Variants in MON2 observed in about 807,000 individuals in gnomAD.
The protein encoded by MON2 is protein MON2 homolog.
In MON2, 84 loss-of-function variants were observed where a neutral mutation model predicts 208.6. The observed-to-expected ratio is 0.40, with a 90% CI of 0.34 to 0.48. The LOEUF is 0.48. Among genes scored for constraint, MON2 ranks in the 20% least tolerant of loss-of-function variants. MON2 has a pLI of 0.59. For synonymous variants in MON2, 660 were observed against 694.0 expected (o/e 0.95, Z 0.77); for missense variants, 1,611 against 2,015.4 (o/e 0.80, Z 3.84).
intron 26 of MON2, 177 bp from the exon 27 acceptor site, chr12:62,565,060 T>G: frequency 3.6e-6 from 2 of 557,164 alleles, no homozygotes; most frequent in Non-Finnish European, 6.1e-6. Flanking sequence ...AGTTTCAGCC[T>G]ATACTTTATT....
chr12:62,546,791 C>G, intron 21 of MON2, 106 bp from the exon 22 acceptor site: 1 of 802,398 alleles, frequency 1.2e-6, no homozygotes, highest in Admixed American at 2.8e-5. Context: ...ATATCTATTT[C>G]CCATAGTAGT....
intron 33 of MON2, among the ~76,000 whole-genome samples, chr12:62,587,564 C>A (rs975128223): frequency 6.6e-6 from 1 of 151,112 alleles, no homozygotes; most frequent in Non-Finnish European, 1.5e-5. Flanking sequence ...GCAAGCAAGA[C>A]CTTGTTTCTA....
chr12:62,588,847 A>G, intron 34 of MON2: 1 of 1,450,092 alleles, frequency 6.9e-7, no homozygotes, highest in Non-Finnish European at 9.3e-7. Flanking sequence ...TGTTTATTTC[A>G]TTATCCAGCT....
At chr12:62,487,253 T>C (rs974455982) in intron 2 of MON2, among the ~76,000 whole-genome samples, 1 of 152,106 alleles carries the variant, frequency 6.6e-6, no homozygotes, top group African/African-American at 2.4e-5. Context: ...TAATCTTACA[T>C]TTATTATATG....
chr12:62,481,020 A>G (rs2069394837), intron 1 of MON2, among the ~76,000 whole-genome samples: 1 of 152,224 alleles, frequency 6.6e-6, no homozygotes, highest in Non-Finnish European at 1.5e-5. Context: ...GAATGTTACA[A>G]AATACACATA....
intron 25 of MON2, among the ~76,000 whole-genome samples, chr12:62,558,468 A>G (rs1404764582): frequency 6.6e-6 from 1 of 152,160 alleles, no homozygotes; most frequent in Non-Finnish European, 1.5e-5. Context: ...TAATAGAGAA[A>G]TTGCAGGAGT....
intron 7 of MON2, among the ~76,000 whole-genome samples, chr12:62,506,748 A>T (rs946893225): frequency 2.0e-4 from 30 of 151,876 alleles, no homozygotes; most frequent in East Asian, 1.2e-3. Flanking sequence ...AGATACATTT[A>T]AAAAATTTTG....
Position 62,552,945 on chromosome 12 carries a change from AG to A in MON2, c.2983del (p.Ala995GlnfsTer14). ...ATTGAAAAAGAACTAAATAAGGAAG[AG>A]GCAGCACAGCAAAAGCAGGCAGAAG... ...ETIEKELNKE[E>X]AAQQKQAEEK... On this transcript the variant is annotated frameshift_variant, in exon 24 of 35. Transcript: ENST00000393630. LOFTEE classifies it high-confidence loss of function. 6.2e-7 allele frequency: 1 copy of A among 1,614,160 alleles called. No individual in the cohort carries two copies. The highest frequency in any genetic ancestry group is 8.5e-7 in the Non-Finnish European group (1 of 1,179,968).
intron 12 of MON2, among the ~76,000 whole-genome samples, chr12:62,534,075 G>A (rs1228794636): frequency 5.3e-5 from 8 of 152,100 alleles, no homozygotes; most frequent in Non-Finnish European, 1.5e-5. Context: ...AGAAAGTTTG[G>A]GTTGATGAAG....
At chr12:62,476,007 G>A (rs756182087) in intron 1 of MON2, among the ~76,000 whole-genome samples, 3 of 145,524 alleles carry the variant, frequency 2.1e-5, no homozygotes, top group East Asian at 2.0e-4. Flanking sequence ...GCTAAACTCC[G>A]TCTCAAAAAG....
chr12:62,505,486 A>G (rs1358460491), intron 7 of MON2, among the ~76,000 whole-genome samples: 4 of 152,192 alleles, frequency 2.6e-5, no homozygotes, highest in Non-Finnish European at 4.4e-5. Flanking sequence ...CTGAGAACAC[A>G]AGGCCAGAAG....
intron 21 of MON2, 120 bp from the exon 22 acceptor site, chr12:62,546,777 A>G: frequency 1.4e-6 from 1 of 736,946 alleles, no homozygotes; most frequent in Non-Finnish European, 2.1e-6. Context: ...AATAAAACAT[A>G]AAAATATCTA....
At chr12:62,559,561 T>G (rs2074119034) in intron 25 of MON2, among the ~76,000 whole-genome samples, 1 of 152,152 alleles carries the variant, frequency 6.6e-6, no homozygotes, top group Non-Finnish European at 1.5e-5. Context: ...GAGGATCGCT[T>G]GAGCCCAGGA....
At chr12:62,476,868 A>G (rs1490461196) in intron 1 of MON2, among the ~76,000 whole-genome samples, 1 of 152,242 alleles carries the variant, frequency 6.6e-6, no homozygotes, top group Non-Finnish European at 1.5e-5. Flanking sequence ...ATTTAAAAAC[A>G]GAGCAGGGGT....
In MON2 at chr12:62,592,883, T is replaced by A; in HGVS notation, c.*134T>A. On this transcript the variant is annotated 3_prime_UTR_variant, in exon 35 of 35. Transcript: ENST00000393630. ...TTGTTGGCCTCCTTTAAATTCTACT[T>A]ACCTGAGTTCAGTAATTCATATTAC... 1.2e-6 allele frequency: 1 copy of A among 844,590 alleles called. No homozygotes were observed. Among genetic ancestry groups the A allele is most frequent in the South Asian group, 2.3e-5 (1 of 44,328 alleles). 52.3% of individuals were successfully genotyped at this position (844,590 alleles called of 1,614,324 possible).
Position 62,588,101 on chromosome 12 carries a change from T to G in MON2, c.4935T>G (p.Val1645=). 2 of 1,581,316 alleles carry G rather than the reference T, an allele frequency of 1.3e-6. No individual in the cohort carries two copies. Among genetic ancestry groups the G allele is most frequent in the Non-Finnish European group, 1.7e-6 (2 of 1,152,368 alleles). ...PRQQVTEIIF[V]LKAVSTLIDS... is the part of the protein sequence containing the mutation. ...AACAAGTAACAGAAATTATATTTGT[T>G]TTAAAAGCAGTCAGTACTCTTATTG... The change falls in exon 34 of 35, where the codon GTT becomes GTG. Residue 1645 remains valine, a synonymous_variant. Transcript: ENST00000393630.
intron 8 of MON2, among the ~76,000 whole-genome samples, chr12:62,520,595 A>T: frequency 6.6e-6 from 1 of 152,052 alleles, no homozygotes; most frequent in East Asian, 1.9e-4. Context: ...TACACAGTAA[A>T]AACGCTTCAT....
intron 11 of MON2, among the ~76,000 whole-genome samples, chr12:62,529,343 G>A (rs1168214167): frequency 1.3e-5 from 2 of 152,066 alleles, no homozygotes; most frequent in Non-Finnish European, 2.9e-5. Flanking sequence ...TTTGTGAGGA[G>A]TTAAATGAGA....
chr12:62,475,527 A>G (rs1209865867), intron 1 of MON2, among the ~76,000 whole-genome samples: 4 of 151,922 alleles, frequency 2.6e-5, no homozygotes, highest in African/African-American at 9.7e-5. Flanking sequence ...CCTCCTAGGT[A>G]TACAAATGCT....
Sources: gnomAD v4.1 joint callset for allele counts (sites outside exome capture counted in the v4.1 genomes callset) on GRCh38, gnomAD v4.1.1 for gene constraint, MANE v1.5 for transcripts, NCBI Gene and HGNC (gene_info 2026-07-23, HGNC 2026-07-21) for gene names.